The following MTHFD1 variants were observed in gnomAD, a reference collection of about 807,000 sequenced individuals.
MTHFD1 encodes the protein methylenetetrahydrofolate dehydrogenase, cyclohydrolase and formyltetrahydrofolate synthetase 1.
A neutral mutation model predicts 110.3 loss-of-function variants in MTHFD1; 44 were observed. The ratio of observed to expected loss-of-function variants is 0.40; its 90% CI spans 0.31 to 0.51. The LOEUF (loss-of-function observed/expected upper bound fraction) is 0.51. Among genes scored for constraint, MTHFD1 ranks in the 20% least tolerant of loss-of-function variants. The pLI is 0.60. For missense variants in MTHFD1, 909 were observed against 1,173.1 expected, an observed-to-expected ratio of 0.77 and a Z score of 3.29; for synonymous variants, 402 against 428.8, an observed-to-expected ratio of 0.94 and a Z score of 0.77.
chr14:64,424,963 C>G (rs200068561), intron 9 of MTHFD1, 32 bp downstream of exon 9: 477 of 1,613,546 alleles, frequency 3.0e-4, no homozygotes, highest in Admixed American at 2.2e-4. Context: ...TATAAGAGTT[C>G]TGAAAAGCTG....
At chr14:64,400,571 C>T (rs2077887868) in intron 1 of MTHFD1, among the ~76,000 whole-genome samples, 1 of 152,084 alleles carries the variant, frequency 6.6e-6, no homozygotes, top group Non-Finnish European at 1.5e-5. Context: ...CTGTAAAGTC[C>T]CAGCTACTCA....
intron 25 of MTHFD1, 48 bp downstream of exon 25, chr14:64,453,909 T>C (rs1262756283): frequency 8.3e-7 from 1 of 1,209,978 alleles, no homozygotes; most frequent in African/African-American, 1.5e-5. Flanking sequence ...AAAGCAGGAC[T>C]TGGAGTCACA....
chr14:64,391,464 C>T (rs892834003), intron 1 of MTHFD1, among the ~76,000 whole-genome samples: 1 of 152,246 alleles, frequency 6.6e-6, no homozygotes, highest in African/African-American at 2.4e-5. Context: ...TGCGCCCCCG[C>T]TGGCGCTTTG....
At chr14:64,403,965 C>T (rs1028197464) in intron 2 of MTHFD1, among the ~76,000 whole-genome samples, 4 of 152,166 alleles carry the variant, frequency 2.6e-5, no homozygotes, top group Non-Finnish European at 5.9e-5. Flanking sequence ...ACTACTAGTC[C>T]AAAGCCATTG....
intron 7 of MTHFD1, among the ~76,000 whole-genome samples, chr14:64,418,710 C>A (rs1214284789): frequency 6.6e-6 from 1 of 152,084 alleles, no homozygotes; most frequent in Non-Finnish European, 1.5e-5. Context: ...GCATGTGCCA[C>A]CACGCCTGGC....
At chr14:64,401,447 T>A (rs2077896103) in intron 2 of MTHFD1, among the ~76,000 whole-genome samples, 1 of 152,182 alleles carries the variant, frequency 6.6e-6, no homozygotes, top group Admixed American at 6.5e-5. Flanking sequence ...CTCCTGCCTG[T>A]AATCCAGCAC....
intron 2 of MTHFD1, among the ~76,000 whole-genome samples, chr14:64,402,832 A>G (rs2077909114): frequency 6.6e-6 from 1 of 152,094 alleles, no homozygotes; most frequent in South Asian, 2.1e-4. Flanking sequence ...TAAAAATAAA[A>G]AAGCACTAAT....
At chr14:64,424,521 T>G (rs2078104338) in intron 8 of MTHFD1, among the ~76,000 whole-genome samples, 1 of 152,206 alleles carries the variant, frequency 6.6e-6, no homozygotes, top group Admixed American at 6.5e-5. Flanking sequence ...GTAGTTGGTT[T>G]TAAGAATAAA....
intron 2 of MTHFD1, among the ~76,000 whole-genome samples, chr14:64,408,196 A>AT (rs2140951009): frequency 6.6e-6 from 1 of 152,244 alleles, no homozygotes; most frequent in East Asian, 1.9e-4. Flanking sequence ...GACTCCTGGT[A>AT]TAAAAAAAAA....
rs530768829 is a variant in MTHFD1 at position 64,442,358 on chromosome 14, G to A, written c.2092G>A (p.Val698Ile). The A allele has an allele frequency of 4.3e-6, 7 of 1,614,120 alleles. No individual in the cohort carries two copies. The highest frequency in any genetic ancestry group is 3.3e-5 in the Admixed American group (2 of 60,012). The change falls in exon 21 of 28, where the codon GTT becomes ATT. Residue 698 changes from valine (V) to isoleucine (I), a missense_variant. Val to Ile is a conservative substitution (Grantham distance 29). This residue lies in a region of MTHFD1 where 482 missense variants were observed against 646.0 expected (regional missense o/e 0.75). Coordinates refer to ENST00000652337, the MANE Select transcript of MTHFD1 (RefSeq NM_005956.4). The stretch of plus-strand genomic sequence containing the variant: ...CCTCTGCCCCCACGTGGTGGTGCTT[G>A]TTGCCACTGTCAGGGCTCTCAAGAT... Reference protein sequence around the residue: ...SGLCPHVVVLVATVRALKMHG... With the variant: ...SGLCPHVVVLIATVRALKMHG...
At chr14:64,407,750 G>A (rs929480430) in intron 2 of MTHFD1, among the ~76,000 whole-genome samples, 1 of 151,918 alleles carries the variant, frequency 6.6e-6, no homozygotes, top group East Asian at 1.9e-4. Flanking sequence ...GTTTCGATAT[G>A]TTGCCCAGGC....
At chr14:64,400,178 C>A (rs868327931) in intron 1 of MTHFD1, among the ~76,000 whole-genome samples, 1 of 143,350 alleles carries the variant, frequency 7.0e-6, no homozygotes, top group African/African-American at 2.6e-5. Context: ...CACCTGAGGT[C>A]GGGAGTTCGA....
At chr14:64,396,605 G>A (rs1417266209) in intron 1 of MTHFD1, among the ~76,000 whole-genome samples, 1 of 136,148 alleles carries the variant, frequency 7.3e-6, no homozygotes, top group Admixed American at 8.0e-5. Flanking sequence ...GGGTTTCACC[G>A]CTCAGGCTGT....
chr14:64,448,525 A>G (rs1337989823), intron 23 of MTHFD1: 3 of 584,382 alleles, frequency 5.1e-6, no homozygotes, highest in African/African-American at 3.7e-5. Flanking sequence ...TTCAGCTCCT[A>G]TGGGCCCTTT....
intron 1 of MTHFD1, among the ~76,000 whole-genome samples, chr14:64,400,396 A>G (rs1238790978): frequency 1.3e-5 from 2 of 151,626 alleles, no homozygotes; most frequent in African/African-American, 2.4e-5. Context: ...CTCAAAAAAA[A>G]AGAGAAATAC....
intron 22 of MTHFD1, among the ~76,000 whole-genome samples, chr14:64,445,931 A>G (rs913539395): frequency 6.6e-6 from 1 of 152,204 alleles, no homozygotes; most frequent in Non-Finnish European, 1.5e-5. Flanking sequence ...TCAGTTTTCA[A>G]TTATTAAAGG....
intron 23 of MTHFD1, chr14:64,448,956 T>A: frequency 4.4e-6 from 1 of 229,016 alleles, no homozygotes; most frequent in Non-Finnish European, 8.7e-6. Context: ...CCTGCCACCA[T>A]GCCCAGCTAA....
chr14:64,401,012 G>A, intron 2 of MTHFD1, 135 bp downstream of exon 2: 2 of 708,174 alleles, frequency 2.8e-6, no homozygotes, highest in South Asian at 3.1e-5. Flanking sequence ...CTCTTGGCAG[G>A]CTCCCCCCTT....
chr14:64,425,083 C>A, intron 9 of MTHFD1, 152 bp downstream of exon 9: 1 of 985,130 alleles, frequency 1.0e-6, no homozygotes, highest in Non-Finnish European at 1.5e-6. Context: ...GAAATAAGAT[C>A]AGGCACATTA....
Sources: allele counts gnomAD v4.1 joint callset (sites outside exome capture counted in the v4.1 genomes callset), GRCh38; gene constraint gnomAD v4.1.1; regional missense constraint gnomAD v4.1.1; transcripts MANE v1.5; gene names NCBI Gene and HGNC (gene_info 2026-07-23, HGNC 2026-07-21).